ABCC5: variants seen among roughly 807,000 people sequenced by gnomAD.
ABCC5 encodes ATP binding cassette subfamily C member 5, also known as ATP-binding cassette sub-family C member 5.
Under a neutral mutation model 160.9 loss-of-function variants are expected in ABCC5, and 61 were observed. That is an observed-to-expected ratio of 0.38 (90% CI 0.31 to 0.47). The LOEUF (loss-of-function observed/expected upper bound fraction) is 0.47, where lower values mean the gene tolerates loss of function less well. Ranked by LOEUF, ABCC5 falls within the 20% of genes least tolerant of loss-of-function variation. The probability of loss-of-function intolerance (pLI) is 0.99; values close to 1 mark genes in which losing one functional copy is unlikely to be tolerated. For missense variants in ABCC5, 1,308 were observed against 1,813.3 expected (o/e 0.72, Z 5.06); for synonymous variants, 666 against 700.6 (o/e 0.95, Z 0.78).
chr3:184,013,063 T>C (rs1291769022), intron 2 of ABCC5, among the ~76,000 whole-genome samples: 1 of 152,242 alleles, frequency 6.6e-6, no homozygotes, highest in Non-Finnish European at 1.5e-5. Flanking sequence ...AAAGGTATAA[T>C]GCTTTTTTTC....
chr3:183,942,491 G>A (rs193128965), intron 25 of ABCC5: 55 of 658,844 alleles, frequency 8.3e-5, no homozygotes, highest in African/African-American at 6.0e-4. Flanking sequence ...CTCCTCTTTC[G>A]TACTTGGCTG....
chr3:183,945,567 G>GGAAAATGCTTCTTT (rs1166108666), intron 24 of ABCC5, among the ~76,000 whole-genome samples: 2 of 152,200 alleles, frequency 1.3e-5, no homozygotes, highest in Non-Finnish European at 2.9e-5. Context: ...AACAGTGTAA[G>GGAAAATGCTTCTTT]GAAAATGCTC....
intron 18 of ABCC5, 95 bp from the exon 19 acceptor site, chr3:183,952,098 C>T: frequency 1.6e-6 from 2 of 1,285,126 alleles, no homozygotes; most frequent in Non-Finnish European, 2.1e-6. Flanking sequence ...GGGCAGGGTA[C>T]AGGATAATGA....
chr3:183,983,767 C>CTTT, intron 5 of ABCC5: 5 of 985,484 alleles, frequency 5.1e-6, no homozygotes, highest in Non-Finnish European at 6.0e-6. Flanking sequence ...AAGGAATGTA[C>CTTT]TTTTATTGAA....
In ABCC5 at chr3:183,988,888, G is replaced by A. The variant is rs778528278; in HGVS notation, c.288-161C>T. ...TGTTCTAAAACGGCTTTGATGGGCC[G>A]GGCGCGGTGGCTCACACCTGTAATC... On this transcript the variant is annotated intron_variant, in intron 3 of 29. Coordinates refer to ENST00000334444, the MANE Select transcript of ABCC5 (RefSeq NM_005688.4). The surrounding 1 kb of genome is among the most constrained non-coding windows in gnomAD (Gnocchi z 4.4). Among the ~76,000 whole-genome samples, 7 of 152,096 alleles carry A rather than the reference G, an allele frequency of 4.6e-5. No individual in the cohort carries two copies. Among genetic ancestry groups the A allele is most frequent in the African/African-American group, 1.2e-4 (5 of 41,408 alleles).
At chr3:183,995,307 A>AT (rs1186163950) in intron 2 of ABCC5, among the ~76,000 whole-genome samples, 1 of 151,892 alleles carries the variant, frequency 6.6e-6, no homozygotes, top group Non-Finnish European at 1.5e-5. Context: ...TAATTTACCA[A>AT]TTTTTTTCTT....
intron 14 of ABCC5, among the ~76,000 whole-genome samples, chr3:183,964,274 G>A (rs999574929): frequency 6.6e-6 from 1 of 152,098 alleles, no homozygotes; most frequent in Non-Finnish European, 1.5e-5. Flanking sequence ...ACTTCTTTAC[G>A]TGCAGATTAT....
intron 2 of ABCC5, among the ~76,000 whole-genome samples, chr3:183,993,301 T>C (rs1054391656): frequency 2.0e-5 from 3 of 152,006 alleles, no homozygotes; most frequent in African/African-American, 7.2e-5. Context: ...CTGGTCAACA[T>C]GGTGAATCCC....
chr3:183,983,118 G>A (rs746522729), intron 5 of ABCC5, 111 bp from the exon 6 acceptor site: 17 of 990,806 alleles, frequency 1.7e-5, no homozygotes, highest in African/African-American at 6.5e-5. Context: ...GGACCAGTGC[G>A]CAAGCAAAGC....
chr3:183,953,346 C>A, intron 17 of ABCC5, 76 bp from the exon 18 acceptor site: 2 of 1,347,474 alleles, frequency 1.5e-6, no homozygotes, highest in Non-Finnish European at 1.0e-6. Context: ...TGCAGAGCAA[C>A]AGAATCGGAC....
Position 183,987,571 on chromosome 3 carries a change from A to C in ABCC5, c.591+199T>G. 1 of 701,316 alleles carries C rather than the reference A, an allele frequency of 1.4e-6. No individual in the cohort carries two copies. The highest frequency in any genetic ancestry group is 2.5e-6 in the Non-Finnish European group (1 of 407,048). 43.4% of individuals were successfully genotyped at this position (701,316 alleles called of 1,614,324 possible). A position where few individuals can be genotyped will look rare whatever the true frequency, so the allele number is the denominator to read the frequency against. On this transcript the variant is annotated intron_variant, in intron 5 of 29. Coordinates refer to ENST00000334444, the MANE Select transcript of ABCC5 (RefSeq NM_005688.4). The surrounding 1 kb of genome is among the most constrained non-coding windows in gnomAD (Gnocchi z 4.2). ...CCCACCCAGAAATCAAGCCAGTTCC[A>C]TTTCTTCTCTGGCAACACTGCCCTT...
At chr3:183,981,333 C>T (rs527591101) in intron 8 of ABCC5, among the ~76,000 whole-genome samples, 5 of 152,242 alleles carry the variant, frequency 3.3e-5, no homozygotes, top group African/African-American at 9.6e-5. Flanking sequence ...AACTATTTCC[C>T]GTGAAACCAC....
At chr3:183,975,294 G>A (rs542236698) in intron 10 of ABCC5, among the ~76,000 whole-genome samples, 2 of 152,238 alleles carry the variant, frequency 1.3e-5, no homozygotes, top group African/African-American at 4.8e-5. Context: ...CTGAAGATAA[G>A]AAGAAAGAAC....
rs1322312684 is a variant in ABCC5, at chr3:183,965,212, G to A, written c.2004C>T (p.Ala668=). 3.1e-6 allele frequency: 5 copies of A among 1,614,080 alleles called. No homozygotes were observed. The highest frequency in any genetic ancestry group is 4.2e-6 in the Non-Finnish European group (5 of 1,180,038). ...LNSCCLRPDL[A]ILPSSDLTEI... ...CCGTCAGGTCGCTGCTGGGAAGAAT[G>A]GCCAGGTCAGGCCTCAGGCAGCAGC... The change falls in exon 14 of 30, where the codon GCC becomes GCT. Residue 668 remains alanine (A), a synonymous_variant. Coordinates refer to ENST00000334444, the MANE Select transcript of ABCC5 (RefSeq NM_005688.4).
intron 26 of ABCC5, among the ~76,000 whole-genome samples, chr3:183,933,816 TC>T (rs1160628035): frequency 1.3e-5 from 2 of 152,206 alleles, no homozygotes; most frequent in Admixed American, 1.3e-4. Flanking sequence ...ACCTTGCTTT[TC>T]CTCTAAGAAT....
At chr3:183,959,953 A>G in intron 16 of ABCC5, 118 bp from the exon 17 acceptor site, 1 of 670,324 alleles carries the variant, frequency 1.5e-6, no homozygotes, top group Non-Finnish European at 2.4e-6. Flanking sequence ...GATACATCCA[A>G]CTTCTTAAAA....
Position 183,947,467 on chromosome 3 carries a change from A to G in ABCC5, c.3271T>C (p.Phe1091Leu). 1 of 1,608,838 alleles carries G rather than the reference A, an allele frequency of 6.2e-7. No individual in the cohort carries two copies. The highest frequency in any genetic ancestry group is 8.5e-7 in the Non-Finnish European group (1 of 1,176,484). Residue 1091 changes from phenylalanine to leucine, a missense_variant, in exon 23 of 30, where the codon TTT (phenylalanine) becomes CTT (leucine). Phe to Leu is a conservative substitution (Grantham distance 22). Around this residue, in one of 3 missense-constraint regions of ABCC5, gnomAD observed 1,142 missense variants for 1,527.1 expected, o/e 0.75. Coordinates refer to ENST00000334444, the MANE Select transcript of ABCC5 (RefSeq NM_005688.4). ...GCCAGCCACCGCATCGCACACGTAA[A>G]CAAAAAAAAAGGAGCTTGGTTGTCA... ...LDDNQAPFFL[F>L]TCAMRWLAVR...
At position 184,014,297 on chromosome 3, in the gene ABCC5, G is replaced by A. The variant is rs530850562; in HGVS notation, c.96C>T (p.Asp32=). Residue 32 remains aspartate, a synonymous_variant, in exon 2 of 30, where the codon GAC becomes GAT. Coordinates refer to ENST00000334444, the MANE Select transcript of ABCC5 (RefSeq NM_005688.4). The part of the protein sequence containing the change: ...ERTSTSGTHR[D]REDSKFRRTR... ...TTCTCCTGAACTTGGAATCTTCACGGTCTCTGTGCGTCCCAGAAGTGCTGG... is the reference window on the plus strand; with the variant it reads ...TTCTCCTGAACTTGGAATCTTCACGATCTCTGTGCGTCCCAGAAGTGCTGG... 94 of 1,613,950 alleles carry A rather than the reference G, an allele frequency of 5.8e-5. No individual in the cohort carries two copies. Among genetic ancestry groups the A allele is most frequent in the East Asian group, 2.2e-4 (10 of 44,864 alleles).
At chr3:183,955,533 T>C (rs1022587617) in intron 17 of ABCC5, among the ~76,000 whole-genome samples, 15 of 152,264 alleles carry the variant, frequency 9.9e-5, no homozygotes, top group Non-Finnish European at 1.6e-4. Flanking sequence ...AATTTAATTT[T>C]TCATTTGCAA....
Sources: allele counts gnomAD v4.1 joint callset (sites outside exome capture counted in the v4.1 genomes callset), GRCh38; gene constraint gnomAD v4.1.1; regional missense constraint gnomAD v4.1.1; non-coding constraint Gnocchi (gnomAD v3.1); transcripts MANE v1.5; gene names NCBI Gene and HGNC (gene_info 2026-07-23, HGNC 2026-07-21).